Variants in SSX3 observed in about 807,000 individuals in gnomAD.
The protein encoded by SSX3 is protein SSX3.
A neutral mutation model predicts 14.8 loss-of-function variants in SSX3; 6 were observed. The observed-to-expected ratio is 0.41, with a 90% CI of 0.22 to 0.80. SSX3 has a LOEUF of 0.80. Among genes scored for constraint, SSX3 ranks in the 30% least tolerant of loss-of-function variants. The pLI is 0.34. For missense variants in SSX3, 163 were observed against 152.2 expected, an observed-to-expected ratio of 1.07 and a Z score of -0.37; for synonymous variants, 55 against 52.9, an observed-to-expected ratio of 1.04 and a Z score of -0.18.
intron 5 of SSX3, among the ~76,000 whole-genome samples, chrX:48,350,367 C>A (rs1215745031): frequency 5.4e-5 from 6 of 111,084 alleles, no homozygotes; most frequent in African/African-American, 1.6e-4. Context: ...CACATTCTTG[C>A]AAACAGCAAA....
chrX:48,350,519 T>C (rs1298950376), intron 5 of SSX3, among the ~76,000 whole-genome samples: 26 of 110,769 alleles, frequency 2.3e-4, no homozygotes, highest in Non-Finnish European at 3.6e-4. Context: ...GCTGGGAGAG[T>C]AAATGTAAAA....
At chrX:48,355,603 A>G (rs2061283631) in intron 1 of SSX3, among the ~76,000 whole-genome samples, 1 of 110,883 alleles carries the variant, frequency 9.0e-6, no homozygotes, top group South Asian at 3.9e-4. Flanking sequence ...AGGCAGGGAC[A>G]TGACTGTGTA....
intron 5 of SSX3, among the ~76,000 whole-genome samples, chrX:48,351,063 C>T (rs2061260761): frequency 1.8e-5 from 2 of 111,110 alleles, no homozygotes; most frequent in Non-Finnish European, 3.8e-5. Flanking sequence ...GCCACCGCGC[C>T]CTGATCTTAA....
intron 5 of SSX3, 109 bp downstream of exon 5, chrX:48,351,991 G>T (rs1441014492): frequency 9.4e-5 from 92 of 979,512 alleles, no homozygotes; most frequent in Non-Finnish European, 1.2e-4. Flanking sequence ...GATAGACATG[G>T]GGAGAAGAAG....
intron 5 of SSX3, among the ~76,000 whole-genome samples, chrX:48,350,855 C>G (rs1198392270): frequency 1.9e-5 from 2 of 105,347 alleles, no homozygotes; most frequent in African/African-American, 7.0e-5. Flanking sequence ...AAGGCAATAT[C>G]TGACTCCCGC....
chrX:48,355,379 C>T (rs2061282399), intron 1 of SSX3, 110 bp from the exon 2 acceptor site: 1 of 736,658 alleles, frequency 1.4e-6, no homozygotes, highest in Admixed American at 2.6e-5. Context: ...TGCTGCATTT[C>T]TCCATCCGGG....
At position 48,347,042 on chromosome X, in the gene SSX3, C is replaced by G. The variant is rs1444677700; in HGVS notation, c.*5-7G>C. ...ATGTGTCATATCCCCAAGGCTGAGG[C>G]AAGAAGAGAGAAGGAAAGTAAGTGG... On this transcript the variant is annotated splice_region_variant and splice_polypyrimidine_tract_variant and intron_variant, in intron 7 of 7. Transcript: ENST00000298396. 5.0e-6 allele frequency: 6 copies of G among 1,196,360 alleles called. No individual in the cohort carries two copies. In the African/African-American group the frequency reaches 1.1e-4, roughly 21 times the overall value.
At chrX:48,354,197 T>A in intron 3 of SSX3, 103 bp from the exon 4 acceptor site, 1 of 733,886 alleles carries the variant, frequency 1.4e-6, no homozygotes, top group Non-Finnish European at 2.1e-6. Flanking sequence ...GGCTGGAGGA[T>A]TGCTTGAGGC....
At chrX:48,352,276 C>G (rs1432226836) in intron 4 of SSX3, 127 bp from the exon 5 acceptor site, 9 of 834,795 alleles carry the variant, frequency 1.1e-5, no homozygotes, top group Non-Finnish European at 1.6e-5. Context: ...GGAGTTATTT[C>G]AGATTTGCTT....
At chrX:48,353,546 A>C (rs868985885) in intron 4 of SSX3, among the ~76,000 whole-genome samples, 2 of 111,150 alleles carry the variant, frequency 1.8e-5, no homozygotes, top group African/African-American at 6.6e-5. Context: ...AATCACTTGA[A>C]CCCAGGAGGT....
intron 7 of SSX3, 73 bp downstream of exon 7, chrX:48,347,427 A>G (rs1432883865): frequency 3.4e-6 from 4 of 1,187,826 alleles, no homozygotes; most frequent in Non-Finnish European, 4.6e-6. Flanking sequence ...AGCAAGTGAC[A>G]GATGGGATGC....
intron 4 of SSX3, chrX:48,352,383 C>T: frequency 2.6e-6 from 1 of 391,384 alleles, no homozygotes; most frequent in Non-Finnish European, 4.6e-6. Context: ...CACCCCATCA[C>T]AGTCTCATCT....
intron 6 of SSX3, chrX:48,348,367 C>T (rs2061247417): frequency 1.7e-5 from 9 of 517,145 alleles, no homozygotes; most frequent in South Asian, 5.0e-5. Flanking sequence ...CAAACTTAAT[C>T]GATTAATGTT....
intron 2 of SSX3, 108 bp downstream of exon 2, chrX:48,355,073 T>C (rs1329211741): frequency 3.2e-5 from 39 of 1,201,297 alleles, no homozygotes; most frequent in Middle Eastern, 2.3e-4. Context: ...AGATCTCCCC[T>C]GAGACCCTGC....
chrX:48,354,837 G>T, intron 2 of SSX3, 91 bp from the exon 3 acceptor site: 1 of 1,202,074 alleles, frequency 8.3e-7, no homozygotes, highest in Non-Finnish European at 1.1e-6. Context: ...CTGGATCTGG[G>T]AAGTGGGGAT....
At chrX:48,348,311 G>T in intron 6 of SSX3, 1 of 506,305 alleles carries the variant, frequency 2.0e-6, no homozygotes. Context: ...ACCCTGTTGT[G>T]TGTAATTGTT....
chrX:48,350,535 G>A (rs1168096241), intron 5 of SSX3, among the ~76,000 whole-genome samples: 25 of 111,096 alleles, frequency 2.3e-4, no homozygotes, highest in African/African-American at 7.2e-4. Flanking sequence ...TAAAAACATA[G>A]GGAGGCGACA....
rs187171897 is a variant in SSX3 at position 48,351,360 on chromosome X, G to A, written c.330+740C>T. ...CTGGGGCTTCCCAGACGCCCCAGGTGCAGACAAGGCACTCAAGGAGCTCAC... is the reference window on the plus strand; with the variant it reads ...CTGGGGCTTCCCAGACGCCCCAGGTACAGACAAGGCACTCAAGGAGCTCAC... On this transcript the variant is annotated intron_variant, in intron 5 of 7. Transcript: ENST00000298396. 3.6e-4 allele frequency among the ~76,000 whole-genome samples: 40 copies of A among 111,385 alleles called. No individual in the cohort carries two copies. In the East Asian group the frequency reaches 8.5e-3, roughly 24 times the overall value.
chrX:48,348,162 A>T (rs2061246587), intron 6 of SSX3: 2 of 390,041 alleles, frequency 5.1e-6, no homozygotes. Flanking sequence ...AGATGCTTTG[A>T]TACAGGCATG....
Sources: gnomAD v4.1 joint callset for allele counts (sites outside exome capture counted in the v4.1 genomes callset) on GRCh38, gnomAD v4.1.1 for gene constraint, MANE v1.5 for transcripts, NCBI Gene and HGNC (gene_info 2026-07-23, HGNC 2026-07-21) for gene names.